Variants in POLA1 observed in about 807,000 individuals in gnomAD.
POLA1 encodes the protein DNA polymerase alpha 1, catalytic subunit, also known as DNA polymerase alpha catalytic subunit.
POLA1 carries 15 observed loss-of-function variants against 124.0 expected under a neutral mutation model. That is an observed-to-expected ratio of 0.12 (90% CI 0.08 to 0.19). The LOEUF (loss-of-function observed/expected upper bound fraction) is 0.19, where lower values mean the gene tolerates loss of function less well. Among genes scored for constraint, POLA1 ranks in the 10% least tolerant of loss-of-function variants. The pLI is 1.00. For synonymous variants in POLA1, 408 were observed against 389.4 expected, an observed-to-expected ratio of 1.05 and a Z score of -0.56; for missense variants, 886 against 1,103.4, an observed-to-expected ratio of 0.80 and a Z score of 2.79.
chrX:24,798,831 C>G (rs1399489678), intron 26 of POLA1, among the ~76,000 whole-genome samples: 2 of 111,155 alleles, frequency 1.8e-5, no homozygotes, highest in African/African-American at 3.3e-5. Context: ...CATGTGTCTA[C>G]AACACATGTT....
intron 26 of POLA1, among the ~76,000 whole-genome samples, chrX:24,783,289 T>A (rs1378262487): frequency 1.8e-5 from 2 of 111,793 alleles, no homozygotes; most frequent in African/African-American, 6.5e-5. Flanking sequence ...TGTTTGCAGG[T>A]TCCTTGGAGG....
At chrX:24,747,732 CTTT>C (rs756889284) in intron 24 of POLA1, among the ~76,000 whole-genome samples, 3 of 90,471 alleles carry the variant, frequency 3.3e-5, no homozygotes, top group African/African-American at 4.2e-5. Context: ...AAATGTATCC[CTTT>C]TTTTTTTTTT....
At chrX:24,988,856 C>T (rs2048505551) in intron 36 of POLA1, among the ~76,000 whole-genome samples, 1 of 111,196 alleles carries the variant, frequency 9.0e-6, no homozygotes, top group Admixed American at 9.6e-5. Context: ...ATCCTAGCTA[C>T]TCGGGAGGAT....
intron 34 of POLA1, among the ~76,000 whole-genome samples, chrX:24,883,591 G>T (rs912304305): frequency 8.9e-6 from 1 of 112,065 alleles, no homozygotes; most frequent in African/African-American, 3.2e-5. Context: ...ATGATTTTAA[G>T]GAATTAGTGA....
chrX:24,850,739 T>C lies in POLA1; in HGVS notation c.4047+7062T>C, dbSNP rs781013575. Among the ~76,000 whole-genome samples the C allele has an allele frequency of 4.5e-5, 5 of 111,950 alleles. No homozygotes were observed. The East Asian group carries it at 1.4e-3, about 32-fold the overall frequency. ...CCTTACCCATATCATTTCCCACATA[T>C]GGATATCCACCCTCCTAAGTTTTTT... On this transcript the variant is annotated intron_variant, in intron 34 of 36. Transcript: ENST00000379068.
chrX:24,785,218 G>A (rs2045339542), intron 26 of POLA1, among the ~76,000 whole-genome samples: 1 of 112,388 alleles, frequency 8.9e-6, no homozygotes, highest in Admixed American at 9.4e-5. Flanking sequence ...TCCAAAGACT[G>A]TATTTTTGCC....
At chrX:24,762,842 A>T (rs2148426388) in intron 26 of POLA1, among the ~76,000 whole-genome samples, 1 of 110,208 alleles carries the variant, frequency 9.1e-6, no homozygotes, top group South Asian at 4.0e-4. Context: ...GGTTCAAGTG[A>T]CTTTCCTGCC....
chrX:24,843,496 C>G, intron 33 of POLA1, 50 bp from the exon 34 acceptor site: 1 of 1,024,584 alleles, frequency 9.8e-7, no homozygotes, highest in Non-Finnish European at 1.3e-6. Context: ...CACAAAAACC[C>G]TTTTATAGCC....
At chrX:24,951,479 A>G (rs1244705181) in intron 36 of POLA1, among the ~76,000 whole-genome samples, 2 of 108,318 alleles carry the variant, frequency 1.8e-5, no homozygotes, top group Non-Finnish European at 3.8e-5. Flanking sequence ...TGTAATTCAA[A>G]TTATCACATT....
At chrX:24,945,260 A>G (rs1381995501) in intron 36 of POLA1, among the ~76,000 whole-genome samples, 1 of 112,781 alleles carries the variant, frequency 8.9e-6, no homozygotes, top group Non-Finnish European at 1.9e-5. Flanking sequence ...ATTACTTCTG[A>G]GAATACTTTG....
At chrX:24,831,887 A>G (rs142246348) in intron 32 of POLA1, among the ~76,000 whole-genome samples, 24 of 112,120 alleles carry the variant, frequency 2.1e-4, no homozygotes, top group African/African-American at 6.5e-4. Flanking sequence ...CTCCCAGTCT[A>G]GTCTACTTTT....
In POLA1 at chrX:24,970,611, G is replaced by GA. The variant is rs1194489567; in HGVS notation, c.4262-25183dup. 2.7e-3 allele frequency among the ~76,000 whole-genome samples: 279 copies of GA among 103,254 alleles called. 3 individuals carry two copies. Among genetic ancestry groups the GA allele is most frequent in the African/African-American group, 9.1e-3 (258 of 28,428 alleles). The allele number at this position is 103,254 out of a possible 115,157, so 89.7% of individuals were successfully genotyped here. On this transcript the variant is annotated intron_variant, in intron 36 of 36. Transcript: ENST00000379068. ...CAAGGAATTTAAACACATTTACAAG[G>GA]AAAAAAAAAAATTAAAAAGTGGGCA... is the stretch of plus-strand genomic sequence containing the variant.
chrX:24,808,162 A>G (rs982062464), intron 26 of POLA1, among the ~76,000 whole-genome samples: 8 of 111,686 alleles, frequency 7.2e-5, no homozygotes, highest in African/African-American at 2.3e-4. Context: ...CCTCATTGCT[A>G]TGGAGTCAGG....
chrX:24,954,064 C>T (rs1268689547), intron 36 of POLA1, among the ~76,000 whole-genome samples: 1 of 112,176 alleles, frequency 8.9e-6, no homozygotes. Flanking sequence ...TTGCTAGATA[C>T]TAATAACCAG....
intron 36 of POLA1, among the ~76,000 whole-genome samples, chrX:24,985,146 GA>G (rs1230950962): frequency 8.9e-6 from 1 of 112,218 alleles, no homozygotes; most frequent in Non-Finnish European, 1.9e-5. Flanking sequence ...TTGTTAGGAT[GA>G]AATAAGATAT....
At position 24,839,975 on chromosome X, in the gene POLA1, A is replaced by G. The variant is rs139791437; in HGVS notation, c.3737-1677A>G. Among the ~76,000 whole-genome samples the G allele has an allele frequency of 9.3e-4, 104 of 112,042 alleles. 1 individual carries two copies. In the East Asian group the frequency reaches 0.024, roughly 26 times the overall value. ...CATCCTTAGCTTTAAATGTGAGAGT[A>G]TATGTATTCCCACATAATTCTCTAA... is the stretch of plus-strand genomic sequence containing the variant. On this transcript the variant is annotated intron_variant, in intron 32 of 36. Transcript: ENST00000379068.
chrX:24,697,194 G>C (rs1346574914), intron 1 of POLA1, among the ~76,000 whole-genome samples: 1 of 111,592 alleles, frequency 9.0e-6, no homozygotes. Context: ...CCTAAACCCT[G>C]TGTAGTGGAA....
intron 34 of POLA1, among the ~76,000 whole-genome samples, chrX:24,880,933 G>A (rs2046993498): frequency 9.0e-6 from 1 of 111,630 alleles, no homozygotes; most frequent in Admixed American, 9.5e-5. Flanking sequence ...GCCAGACCCC[G>A]TCCTGTGACC....
rs138984004 is a variant in POLA1, at chrX:24,824,230, G to A, written c.3562-2197G>A. Reference sequence around the variant, plus strand: ...ATCTGTTCTTAAAGATGTATGCCACGTATTCTTGCACATACCATGGGGCCC... The same window carrying A: ...ATCTGTTCTTAAAGATGTATGCCACATATTCTTGCACATACCATGGGGCCC... On this transcript the variant is annotated intron_variant, in intron 31 of 36. Coordinates refer to ENST00000379068, the MANE Select transcript of POLA1 (RefSeq NM_001330360.2). 2.4e-4 allele frequency among the ~76,000 whole-genome samples: 27 copies of A among 111,228 alleles called. 1 individual carries two copies. Among genetic ancestry groups the A allele is most frequent in the African/African-American group, 8.5e-4 (26 of 30,598 alleles).
Sources: gnomAD v4.1 joint callset for allele counts (sites outside exome capture counted in the v4.1 genomes callset) on GRCh38, gnomAD v4.1.1 for gene constraint, MANE v1.5 for transcripts, NCBI Gene and HGNC (gene_info 2026-07-23, HGNC 2026-07-21) for gene names.